PRH1: variants seen among roughly 807,000 people sequenced by gnomAD.
PRH1 encodes the protein salivary acidic proline-rich phosphoprotein 1/2.
PRH1 carries 7 observed loss-of-function variants against 7.9 expected under a neutral mutation model. The ratio of observed to expected loss-of-function variants is 0.89; its 90% confidence interval spans 0.50 to 1.67. PRH1 has a LOEUF of 1.67. Among genes scored for constraint, PRH1 ranks in the 40% most tolerant of loss-of-function variants. The probability of loss-of-function intolerance (pLI) is 0.00; values close to 1 mark genes in which losing one functional copy is unlikely to be tolerated. For missense variants in PRH1, 109 were observed against 223.6 expected, an observed-to-expected ratio of 0.49 and a Z score of 3.27; for synonymous variants, 45 against 80.8, an observed-to-expected ratio of 0.56 and a Z score of 2.38.
intron 1 of PRH1, among the ~76,000 whole-genome samples, chr12:11,089,447 G>A (rs575329983): frequency 2.2e-4 from 7 of 31,930 alleles, no homozygotes; most frequent in African/African-American, 4.1e-4. Context: ...CCAAGTACAC[G>A]CATCTGATGA....
chr12:10,934,849 T>A (rs892929920), intron 2 of PRH1, among the ~76,000 whole-genome samples: 1 of 152,196 alleles, frequency 6.6e-6, no homozygotes, highest in African/African-American at 2.4e-5. Context: ...CTCTGCATCA[T>A]TGTGCATGTT....
chr12:11,102,320 G>A (rs1212482062), intron 1 of PRH1, among the ~76,000 whole-genome samples: 1 of 152,162 alleles, frequency 6.6e-6, no homozygotes, highest in Non-Finnish European at 1.5e-5. Context: ...AACCAAAACA[G>A]CATGGTGCTG....
At chr12:10,889,971 T>C (rs984334985) in intron 2 of PRH1, among the ~76,000 whole-genome samples, 1 of 152,222 alleles carries the variant, frequency 6.6e-6, no homozygotes, top group African/African-American at 2.4e-5. Flanking sequence ...GTAAAGTCTT[T>C]GGTCATTTTA....
intron 1 of PRH1, among the ~76,000 whole-genome samples, chr12:11,169,723 A>T (rs566997999): frequency 5.9e-5 from 9 of 152,172 alleles, no homozygotes; most frequent in Non-Finnish European, 1.0e-4. Context: ...GAAACTATAT[A>T]TCTTCTCCCA....
intron 1 of PRH1, chr12:11,165,940 A>G (rs769834887): frequency 3.3e-5 from 5 of 152,254 alleles, no homozygotes; most frequent in Non-Finnish European, 7.3e-5. Context: ...TTAATCAGAG[A>G]AAAGTTCATG....
At chr12:10,973,395 A>C in intron 2 of PRH1, 1 of 332,342 alleles carries the variant, frequency 3.0e-6, no homozygotes. Flanking sequence ...AATGATCTTC[A>C]AGTCTGATGG....
intron 1 of PRH1, among the ~76,000 whole-genome samples, chr12:10,991,409 G>A (rs1018025772): frequency 1.3e-5 from 2 of 151,528 alleles, no homozygotes; most frequent in Non-Finnish European, 2.9e-5. Context: ...AATCTACATG[G>A]CTATTTTAAA....
chr12:10,922,205 A>T (rs1425925656), intron 2 of PRH1, among the ~76,000 whole-genome samples: 2 of 152,196 alleles, frequency 1.3e-5, no homozygotes. Flanking sequence ...CTCCTTCTTA[A>T]CTTATTCACC....
intron 2 of PRH1, among the ~76,000 whole-genome samples, chr12:10,917,826 T>C (rs992199910): frequency 6.6e-6 from 1 of 152,182 alleles, no homozygotes; most frequent in Non-Finnish European, 1.5e-5. Context: ...CATGGAAATG[T>C]TTCTGCAAGA....
chr12:11,041,328 C>A (rs1264889129), intron 1 of PRH1, among the ~76,000 whole-genome samples: 1 of 145,860 alleles, frequency 6.9e-6, no homozygotes, highest in Non-Finnish European at 1.5e-5. Flanking sequence ...AGTAGAGTAC[C>A]TATACTAATA....
chr12:11,065,383 A>G (rs977306036), intron 1 of PRH1, among the ~76,000 whole-genome samples: 7 of 139,592 alleles, frequency 5.0e-5, no homozygotes, highest in African/African-American at 1.7e-4. Flanking sequence ...AATCTCCACA[A>G]TGCTTCTGGC....
At position 11,155,017 on chromosome 12, in the gene PRH1, G is replaced by A. The variant is rs953382027; in HGVS notation, n.39+16405C>T. ...TTTCTTGCAGTGTGTCACATCTTCT[G>A]CTTAATTGTAGAGTTTTAATAGAAA... On this transcript the variant is annotated intron_variant and non_coding_transcript_variant, in intron 1 of 1. Transcript: ENST00000541175. Among the ~76,000 whole-genome samples, 6 of 152,266 alleles carry A rather than the reference G, an allele frequency of 3.9e-5. No individual in the cohort carries two copies. In the South Asian group the frequency reaches 6.2e-4, roughly 16 times the overall value.
chr12:10,893,337 G>A (rs1174141009), intron 2 of PRH1, among the ~76,000 whole-genome samples: 2 of 152,162 alleles, frequency 1.3e-5, no homozygotes, highest in African/African-American at 4.8e-5. Flanking sequence ...CTTACATTAT[G>A]ATGTAAACTC....
At chr12:11,171,276 G>A (rs1354551685) in intron 1 of PRH1, 8 of 937,610 alleles carry the variant, frequency 8.5e-6, no homozygotes, top group African/African-American at 1.7e-5. Context: ...CCGTCCTGCC[G>A]GTCCCAGCCG....
intron 1 of PRH1, among the ~76,000 whole-genome samples, chr12:11,139,174 A>C (rs374336755): frequency 6.6e-6 from 1 of 152,226 alleles, no homozygotes; most frequent in African/African-American, 2.4e-5. Context: ...TATACGTAGA[A>C]ATGTACTTAT....
At chr12:11,129,056 G>A (rs1219086556) in intron 1 of PRH1, among the ~76,000 whole-genome samples, 1 of 152,098 alleles carries the variant, frequency 6.6e-6, no homozygotes, top group African/African-American at 2.4e-5. Flanking sequence ...TCAACTATTT[G>A]GAACTATAGG....
chr12:11,169,430 C>G (rs1379795081), intron 1 of PRH1, among the ~76,000 whole-genome samples: 1 of 152,144 alleles, frequency 6.6e-6, no homozygotes, highest in Non-Finnish European at 1.5e-5. Flanking sequence ...TGCCTATTCC[C>G]GTCCCATTGG....
intron 1 of PRH1, among the ~76,000 whole-genome samples, chr12:11,065,823 C>T (rs1334245853): frequency 1.3e-5 from 2 of 152,168 alleles, no homozygotes; most frequent in African/African-American, 4.8e-5. Context: ...ACGCATTCTC[C>T]TGCAACTTGG....
At chr12:10,958,294 T>C (rs777652748) in intron 2 of PRH1, among the ~76,000 whole-genome samples, 6 of 151,902 alleles carry the variant, frequency 3.9e-5, no homozygotes, top group Non-Finnish European at 5.9e-5. Context: ...CCTAAGCCAA[T>C]AAACATGGAA....
Sources: allele counts gnomAD v4.1 joint callset (sites outside exome capture counted in the v4.1 genomes callset), GRCh38; gene constraint gnomAD v4.1.1; transcripts MANE v1.5; gene names NCBI Gene and HGNC (gene_info 2026-07-23, HGNC 2026-07-21).